IP6K1: variants seen among roughly 807,000 people sequenced by gnomAD.
The protein encoded by IP6K1 is inositol hexakisphosphate kinase 1, also known as ATP:1D-myo-inositol-hexakisphosphate phosphotransferase.
A neutral mutation model predicts 38.3 loss-of-function variants in IP6K1; 13 were observed. The ratio of observed to expected loss-of-function variants is 0.34; its 90% CI spans 0.22 to 0.54. IP6K1 has a LOEUF of 0.54. Among genes scored for constraint, IP6K1 ranks in the 20% least tolerant of loss-of-function variants. IP6K1 has a pLI of 0.92. For missense variants in IP6K1, 397 were observed against 599.8 expected, an observed-to-expected ratio of 0.66 and a Z score of 3.53; for synonymous variants, 212 against 229.9, an observed-to-expected ratio of 0.92 and a Z score of 0.70.
At chr3:49,775,522 A>T in intron 1 of IP6K1, 1 of 993,952 alleles carries the variant, frequency 1.0e-6, no homozygotes, top group South Asian at 1.6e-5. Context: ...TAGGAGAAGG[A>T]TAGAGATGGC....
chr3:49,752,443 C>T (rs1325198979), intron 1 of IP6K1, among the ~76,000 whole-genome samples: 8 of 150,546 alleles, frequency 5.3e-5, no homozygotes, highest in Admixed American at 2.6e-4. Context: ...GAGCCGAGAT[C>T]GCGCCACTGC....
chr3:49,776,797 TA>T (rs1250817209), intron 1 of IP6K1, among the ~76,000 whole-genome samples: 1 of 152,208 alleles, frequency 6.6e-6, no homozygotes, highest in African/African-American at 2.4e-5. Flanking sequence ...GACTGTATAT[TA>T]ATATGATTCC....
chr3:49,768,266 T>A (rs2080928578), intron 1 of IP6K1, among the ~76,000 whole-genome samples: 2 of 152,178 alleles, frequency 1.3e-5, no homozygotes, highest in African/African-American at 2.4e-5. Context: ...TTATTCACAA[T>A]AACCAAATGG....
chr3:49,761,292 C>T lies in IP6K1; in HGVS notation c.-128-13124G>A, dbSNP rs184623478. Among the ~76,000 whole-genome samples, 636 of 126,214 alleles carry T rather than the reference C, an allele frequency of 5.0e-3. 3 individuals are homozygous for T. The highest frequency in any genetic ancestry group is 0.019 in the African/African-American group (616 of 32,962). 82.8% of individuals were successfully genotyped at this position (126,214 alleles called of 152,430 possible). ...ATCGTGCCACTGCACTCCAGCCTGG[C>T]GACAGAGTGAAACTCCATCTCCAAA... On this transcript the variant is annotated intron_variant, in intron 1 of 5. Transcript: ENST00000321599.
In IP6K1 at chr3:49,738,344, G is replaced by A; in HGVS notation, c.302C>T (p.Thr101Ile). 1 of 1,614,174 alleles carries A rather than the reference G, an allele frequency of 6.2e-7. No homozygotes were observed. Among genetic ancestry groups the A allele is most frequent in the South Asian group, 1.1e-5 (1 of 91,092 alleles). Residue 101 changes from threonine to isoleucine, a missense_variant, in exon 3 of 6, where the codon ACT becomes ATT. Physicochemically the swap from Thr to Ile is moderately conservative, Grantham distance 89. Around this residue, in one of 3 missense-constraint regions of IP6K1, gnomAD observed 171 missense variants for 237.0 expected, o/e 0.72. Coordinates refer to ENST00000321599, the MANE Select transcript of IP6K1 (RefSeq NM_153273.4). The part of the protein sequence containing the change: ...LVAYPYVESE[T>I]VEQDDTTERE... ...TTCTGTTGTGTCATCCTGTTCCACA[G>A]TCTCACTTTCCACATAAGGATAGGC...
intron 1 of IP6K1, 69 bp from the exon 2 acceptor site, chr3:49,748,237 G>A (rs1211355868): frequency 1.6e-6 from 1 of 611,620 alleles, no homozygotes; most frequent in Non-Finnish European, 2.9e-6. Flanking sequence ...GGAGCTCCAT[G>A]AGTGAGAGCA....
intron 1 of IP6K1, among the ~76,000 whole-genome samples, chr3:49,771,926 A>T (rs576955560): frequency 6.6e-6 from 1 of 152,270 alleles, no homozygotes; most frequent in African/African-American, 2.4e-5. Flanking sequence ...AACCTTACTC[A>T]AGAGTGGCCA....
intron 2 of IP6K1, among the ~76,000 whole-genome samples, chr3:49,746,032 G>A (rs1372606866): frequency 1.3e-5 from 2 of 152,132 alleles, no homozygotes; most frequent in African/African-American, 2.4e-5. Flanking sequence ...CCACTAGGAT[G>A]GCTACAAAAA....
chr3:49,728,515 C>T (rs201065491), intron 4 of IP6K1: 3 of 507,134 alleles, frequency 5.9e-6, no homozygotes, highest in African/African-American at 1.9e-5. Flanking sequence ...GCATGAAGTA[C>T]ATTTACTTTG....
intron 1 of IP6K1, among the ~76,000 whole-genome samples, chr3:49,784,840 G>A (rs1455451838): frequency 6.6e-6 from 1 of 152,090 alleles, no homozygotes; most frequent in South Asian, 2.1e-4. Flanking sequence ...AGCTACTCGG[G>A]AGGCTGAGGC....
rs9820880 is a variant in IP6K1, at chr3:49,752,438, G to A, written c.-128-4270C>T. The stretch of plus-strand genomic sequence containing the variant: ...TGGGAGGCAGAGCTTGCAGTGAGCC[G>A]AGATCGCGCCACTGCACTCCAGCCT... On this transcript the variant is annotated intron_variant, in intron 1 of 5. Coordinates refer to ENST00000321599, the MANE Select transcript of IP6K1 (RefSeq NM_153273.4). 1.3e-4 allele frequency among the ~76,000 whole-genome samples: 20 copies of A among 150,664 alleles called. No homozygotes were observed. The South Asian group carries it at 1.5e-3, about 11-fold the overall frequency.
chr3:49,762,779 CT>C (rs61119101), intron 1 of IP6K1, among the ~76,000 whole-genome samples: 69,382 of 148,000 alleles, frequency 0.47, 16,797 homozygotes, highest in African/African-American at 0.56. Context: ...TCAATTATTG[CT>C]TTTTTTTTTT....
chr3:49,733,182 C>T (rs2080579037), intron 3 of IP6K1, among the ~76,000 whole-genome samples: 1 of 152,126 alleles, frequency 6.6e-6, no homozygotes, highest in African/African-American at 2.4e-5. Context: ...TCTCTTAAAA[C>T]TATCTGAAAA....
chr3:49,766,822 G>T (rs908877442), intron 1 of IP6K1, among the ~76,000 whole-genome samples: 1 of 150,662 alleles, frequency 6.6e-6, no homozygotes, highest in Non-Finnish European at 1.5e-5. Context: ...AAAAATTAGC[G>T]GGCATGGTGG....
chr3:49,748,600 G>A (rs1372017086), intron 1 of IP6K1, among the ~76,000 whole-genome samples: 1 of 152,168 alleles, frequency 6.6e-6, no homozygotes, highest in Non-Finnish European at 1.5e-5. Flanking sequence ...TTCACTCAGA[G>A]GAAGGGTTTC....
rs191301923 is a variant in IP6K1, at chr3:49,743,872, G to A, written c.223+3946C>T. Among the ~76,000 whole-genome samples the A allele has an allele frequency of 6.4e-3, 967 of 151,482 alleles. 12 individuals carry two copies. The highest frequency in any genetic ancestry group is 9.4e-3 in the Non-Finnish European group (637 of 67,852). Reference sequence around the variant, plus strand: ...TGACCTCAGGTGATCCGCCTGCCTCGGCCTCCCAAAGTGCTAGGATTATAG... The same window carrying A: ...TGACCTCAGGTGATCCGCCTGCCTCAGCCTCCCAAAGTGCTAGGATTATAG... On this transcript the variant is annotated intron_variant, in intron 2 of 5. Coordinates refer to ENST00000321599, the MANE Select transcript of IP6K1 (RefSeq NM_153273.4).
At chr3:49,765,878 A>T (rs896693780) in intron 1 of IP6K1, among the ~76,000 whole-genome samples, 1 of 147,894 alleles carries the variant, frequency 6.8e-6, no homozygotes, top group African/African-American at 2.5e-5. Flanking sequence ...CCCCATATCT[A>T]AAAAAAAAAC....
intron 4 of IP6K1, among the ~76,000 whole-genome samples, chr3:49,732,105 T>A (rs2080567886): frequency 6.6e-6 from 1 of 151,956 alleles, no homozygotes; most frequent in Admixed American, 6.6e-5. Flanking sequence ...AATTTTTTTA[T>A]TTTTTGTAGA....
At chr3:49,769,538 G>A (rs775214528) in intron 1 of IP6K1, among the ~76,000 whole-genome samples, 3 of 152,192 alleles carry the variant, frequency 2.0e-5, no homozygotes, top group Non-Finnish European at 4.4e-5. Flanking sequence ...AAGTACCAAA[G>A]CAAACCAATG....
Sources: gnomAD v4.1 joint callset for allele counts (sites outside exome capture counted in the v4.1 genomes callset) on GRCh38, gnomAD v4.1.1 for gene constraint, gnomAD v4.1.1 regional missense constraint, MANE v1.5 for transcripts, NCBI Gene and HGNC (gene_info 2026-07-23, HGNC 2026-07-21) for gene names.